The following PCGF6 variants were observed in gnomAD, a reference collection of about 807,000 sequenced individuals.
PCGF6 encodes the protein polycomb group RING finger protein 6.
A neutral mutation model predicts 45.5 loss-of-function variants in PCGF6; 24 were observed. The observed-to-expected ratio is 0.53, with a 90% confidence interval of 0.38 to 0.74. The LOEUF (loss-of-function observed/expected upper bound fraction) is 0.74, where lower values mean the gene tolerates loss of function less well. PCGF6 is among the 30% of genes least tolerant of loss of function. The pLI is 0.00. For missense variants in PCGF6, 356 were observed against 443.2 expected (o/e 0.80, Z 1.77); for synonymous variants, 152 against 162.1 (o/e 0.94, Z 0.47).
At chr10:103,318,580 C>CA (rs1398143113) in intron 8 of PCGF6, among the ~76,000 whole-genome samples, 2 of 150,330 alleles carry the variant, frequency 1.3e-5, no homozygotes, top group Admixed American at 1.3e-4. Context: ...CTGTCTCTAC[C>CA]AAAAATACAA....
At chr10:103,315,616 C>T (rs2093172129) in intron 8 of PCGF6, among the ~76,000 whole-genome samples, 1 of 152,142 alleles carries the variant, frequency 6.6e-6, no homozygotes, top group South Asian at 2.1e-4. Context: ...ACCTCAGCCT[C>T]CCAAAATGCT....
chr10:103,350,596 G>T, intron 1 of PCGF6, 111 bp downstream of exon 1: 4 of 1,144,052 alleles, frequency 3.5e-6, no homozygotes, highest in South Asian at 4.2e-5. Context: ...CCGCTCCAGT[G>T]CTCCGCGCGG....
intron 7 of PCGF6, among the ~76,000 whole-genome samples, chr10:103,327,833 C>T (rs1208603726): frequency 1.3e-5 from 2 of 148,212 alleles, no homozygotes; most frequent in African/African-American, 5.0e-5. Context: ...CACCACTACG[C>T]CCAACTAATT....
intron 8 of PCGF6, 82 bp from the exon 9 acceptor site, chr10:103,314,354 A>T: frequency 1.2e-6 from 1 of 858,326 alleles, no homozygotes; most frequent in Non-Finnish European, 1.8e-6. Context: ...ATCAACATAA[A>T]TTGTTTCCAA....
intron 7 of PCGF6, among the ~76,000 whole-genome samples, chr10:103,327,603 G>A (rs1479527117): frequency 3.9e-5 from 6 of 151,968 alleles, no homozygotes. Flanking sequence ...GTACATGGGA[G>A]TTCATTATAC....
chr10:103,336,799 C>A (rs1234315607), intron 6 of PCGF6, among the ~76,000 whole-genome samples: 1 of 152,108 alleles, frequency 6.6e-6, no homozygotes, highest in Non-Finnish European at 1.5e-5. Flanking sequence ...CACTTGAACC[C>A]GGGAGGCGGA....
chr10:103,350,577 G>A (rs1261464911), intron 1 of PCGF6, 130 bp downstream of exon 1: 32 of 914,122 alleles, frequency 3.5e-5, no homozygotes, highest in Non-Finnish European at 4.8e-5. Context: ...GGCAGAGGTC[G>A]GGGGAGGTCC....
In PCGF6 at chr10:103,351,105, A is replaced by C. The variant is rs749210655; in HGVS notation, c.-39T>G. On this transcript the variant is annotated 5_prime_UTR_variant, in exon 1 of 10. Coordinates refer to ENST00000369847, the MANE Select transcript of PCGF6 (RefSeq NM_001011663.2). ...ACCAGGCGAGGCGAGGCGGCGGGAG[A>C]GCGCGGGAGTTCGGCCGGCCTCGGA... 471 of 1,336,052 alleles carry C rather than the reference A, an allele frequency of 3.5e-4. 1 individual carries two copies. Among genetic ancestry groups the C allele is most frequent in the Non-Finnish European group, 4.3e-4 (452 of 1,043,496 alleles). The allele number at this position is 1,336,052 out of a possible 1,614,324, so 82.8% of individuals were successfully genotyped here.
Position 103,340,271 on chromosome 10 carries a change from C to T in PCGF6, c.782+4753G>A, listed in dbSNP as rs2093276210. ...AACAAAAGCAATTTATTCAAGGTTA[C>T]AAAGCTAGAAAACAGCAGAGCTACG... On this transcript the variant is annotated intron_variant, in intron 6 of 9. Coordinates refer to ENST00000369847, the MANE Select transcript of PCGF6 (RefSeq NM_001011663.2). Among the ~76,000 whole-genome samples the T allele has an allele frequency of 4.8e-5, 7 of 146,124 alleles. No individual in the cohort carries two copies. The South Asian group carries it at 1.5e-3, about 31-fold the overall frequency.
In PCGF6 at chr10:103,347,421, T is replaced by C; in HGVS notation, c.587A>G (p.Tyr196Cys). The stretch of plus-strand genomic sequence containing the variant: ...TTCCTCTAGATTGATCACTAATTTG[T>C]ACACTATGTCTTGTAACTGTCGGTC... ...RLDRQLQDIV[Y>C]KLVINLEERE... The change falls in exon 4 of 10, where the codon TAC (tyrosine) becomes TGC (cysteine). Residue 196 changes from tyrosine to cysteine, a missense_variant. This residue lies in a region of PCGF6 where 307 missense variants were observed against 350.1 expected (regional missense o/e 0.88). Coordinates refer to ENST00000369847, the MANE Select transcript of PCGF6 (RefSeq NM_001011663.2). 1.9e-6 allele frequency: 3 copies of C among 1,608,614 alleles called. No individual in the cohort carries two copies. In the South Asian group the frequency reaches 3.3e-5, roughly 18 times the overall value.
chr10:103,336,645 T>C lies in PCGF6; in HGVS notation c.783-2693A>G, dbSNP rs1343409727. ...ATTTCAGCACTCTGGGAGGCTGAGGTAGGTGGATCGCTTGAGGTCAGGAGT... is the reference window on the plus strand; with the variant it reads ...ATTTCAGCACTCTGGGAGGCTGAGGCAGGTGGATCGCTTGAGGTCAGGAGT... On this transcript the variant is annotated intron_variant, in intron 6 of 9. Transcript: ENST00000369847. Among the ~76,000 whole-genome samples the C allele has an allele frequency of 2.0e-5, 3 of 152,036 alleles. No individual in the cohort carries two copies. In the East Asian group the frequency reaches 5.8e-4, roughly 29 times the overall value.
intron 9 of PCGF6, among the ~76,000 whole-genome samples, chr10:103,304,809 C>T (rs2093132287): frequency 2.6e-5 from 4 of 152,110 alleles, no homozygotes; most frequent in Admixed American, 2.6e-4. Flanking sequence ...ACACGCACCA[C>T]CACCAGACTC....
At chr10:103,332,084 G>A (rs556120325) in intron 7 of PCGF6, among the ~76,000 whole-genome samples, 8 of 151,934 alleles carry the variant, frequency 5.3e-5, no homozygotes, top group Non-Finnish European at 8.8e-5. Context: ...GAGCCACCGC[G>A]CCCGGCCTAA....
At chr10:103,335,899 G>C (rs1236683838) in intron 6 of PCGF6, among the ~76,000 whole-genome samples, 3 of 144,610 alleles carry the variant, frequency 2.1e-5, no homozygotes, top group Non-Finnish European at 4.6e-5. Flanking sequence ...CCCGGGAGGC[G>C]GAGGTTGCAG....
At chr10:103,319,525 C>G (rs1251304536) in intron 8 of PCGF6, among the ~76,000 whole-genome samples, 4 of 152,032 alleles carry the variant, frequency 2.6e-5, no homozygotes, top group African/African-American at 9.7e-5. Flanking sequence ...CAAACCCATT[C>G]CTGAGTTAAA....
intron 6 of PCGF6, among the ~76,000 whole-genome samples, chr10:103,342,102 T>C (rs2093282926): frequency 6.6e-6 from 1 of 151,830 alleles, no homozygotes; most frequent in Non-Finnish European, 1.5e-5. Flanking sequence ...ACCTAGCTAA[T>C]TTTTTATACT....
At chr10:103,314,486 A>C (rs534186507) in intron 8 of PCGF6, among the ~76,000 whole-genome samples, 337 of 152,382 alleles carry the variant, frequency 2.2e-3, no homozygotes, top group African/African-American at 7.0e-3. Context: ...GCAGGACAAC[A>C]GCACAGTATA....
At chr10:103,306,661 C>A (rs2093139377) in intron 9 of PCGF6, among the ~76,000 whole-genome samples, 1 of 152,168 alleles carries the variant, frequency 6.6e-6, no homozygotes, top group Non-Finnish European at 1.5e-5. Flanking sequence ...TAAAAACTCA[C>A]CAGAATTCTA....
At chr10:103,341,326 G>A (rs1045933713) in intron 6 of PCGF6, among the ~76,000 whole-genome samples, 4 of 150,416 alleles carry the variant, frequency 2.7e-5, no homozygotes, top group Non-Finnish European at 4.4e-5. Context: ...GCACTATCTC[G>A]GCTCACCACA....
Sources: gnomAD v4.1 joint callset for allele counts (sites outside exome capture counted in the v4.1 genomes callset) on GRCh38, gnomAD v4.1.1 for gene constraint, gnomAD v4.1.1 regional missense constraint, MANE v1.5 for transcripts, NCBI Gene and HGNC (gene_info 2026-07-23, HGNC 2026-07-21) for gene names.